The following SYNE2 variants were observed in gnomAD, a reference collection of about 807,000 sequenced individuals.
The protein encoded by SYNE2 is spectrin repeat containing nuclear envelope protein 2, also known as nesprin-2.
A neutral mutation model predicts 856.3 loss-of-function variants in SYNE2; 431 were observed. The observed-to-expected ratio is 0.50, with a 90% CI of 0.47 to 0.55. The LOEUF (loss-of-function observed/expected upper bound fraction) is 0.55, where lower values mean the gene tolerates loss of function less well. SYNE2 is among the 20% of genes least tolerant of loss of function. The pLI is 0.00. For missense variants in SYNE2, 8,129 were observed against 8,023.2 expected (o/e 1.01, Z -0.50); for synonymous variants, 2,923 against 2,872.3 (o/e 1.02, Z -0.56).
At chr14:63,765,021 C>T (rs182818812) in intron 1 of SYNE2, among the ~76,000 whole-genome samples, 17 of 152,244 alleles carry the variant, frequency 1.1e-4, no homozygotes, top group Middle Eastern at 3.4e-3. Flanking sequence ...ACCACCCCTA[C>T]GTGTCATCAT....
chr14:64,141,783 C>T (rs1322454297), intron 81 of SYNE2, among the ~76,000 whole-genome samples, 159 bp from the exon 82 acceptor site: 3 of 151,416 alleles, frequency 2.0e-5, no homozygotes, highest in South Asian at 2.1e-4. Flanking sequence ...GTTTTGGGGT[C>T]GCTTATTCTA....
At position 63,967,781 on chromosome 14, in the gene SYNE2, G is replaced by T. The variant is rs765413747; in HGVS notation, c.1063G>T (p.Asp355Tyr). The change falls in exon 11 of 116, where the codon GAT (aspartate) becomes TAT (tyrosine). Residue 355 changes from aspartate (D) to tyrosine (Y), a missense_variant. Asp to Tyr is a radical substitution (Grantham distance 160). Coordinates refer to ENST00000555002, the MANE Select transcript of SYNE2 (RefSeq NM_182914.3). Reference sequence around the variant, plus strand: ...TTTGGATGTCCTGTCAATAAAACGGGATCTGGATGAGCTGGACAAGGATCA... The same window carrying T: ...TTTGGATGTCCTGTCAATAAAACGGTATCTGGATGAGCTGGACAAGGATCA... ...SFLDVLSIKR[D>Y]LDELDKDHLQ... 21 of 1,613,942 alleles carry T rather than the reference G, an allele frequency of 1.3e-5. No individual in the cohort carries two copies. The South Asian group carries it at 2.0e-4, about 15-fold the overall frequency.
intron 11 of SYNE2, among the ~76,000 whole-genome samples, chr14:63,970,651 C>CTTTTTTTTTTTTTTTTTTTTT (rs61126600): frequency 1.9e-4 from 19 of 98,888 alleles, no homozygotes; most frequent in Non-Finnish European, 3.0e-4. Context: ...TTTCTTTTTT[C>CTTTTTTTTTTTTTTTTTTTTT]TTTTTTTTTT....
rs2098643906 is a variant in SYNE2 at position 64,212,022 on chromosome 14, C to T, written c.18785C>T (p.Thr6262Ile). Residue 6262 changes from threonine (T) to isoleucine (I), a missense_variant, in exon 104 of 116, where the codon ACA (threonine) becomes ATA (isoleucine). Transcript: ENST00000555002. ...GTRESILVWLTEMDLQLTNVE... is the reference protein window; with the variant it reads ...GTRESILVWLIEMDLQLTNVE... ...AGGGAGAGCATTCTGGTGTGGCTCACAGAGATGGACCTGCAGCTGACCAAC... is the reference window on the plus strand; with the variant it reads ...AGGGAGAGCATTCTGGTGTGGCTCATAGAGATGGACCTGCAGCTGACCAAC... The T allele has an allele frequency of 6.2e-7, 1 of 1,614,062 alleles. No individual in the cohort carries two copies. Among genetic ancestry groups the T allele is most frequent in the African/African-American group, 1.3e-5 (1 of 74,924 alleles).
At chr14:63,767,353 G>A (rs919224866) in intron 1 of SYNE2, among the ~76,000 whole-genome samples, 26 of 151,814 alleles carry the variant, frequency 1.7e-4, no homozygotes, top group Non-Finnish European at 2.4e-4. Flanking sequence ...CAAGTAATCC[G>A]CCCACGTCTG....
chr14:63,810,786 C>T (rs1303233833), intron 1 of SYNE2, among the ~76,000 whole-genome samples: 1 of 152,168 alleles, frequency 6.6e-6, no homozygotes, highest in Non-Finnish European at 1.5e-5. Context: ...AATTGAAATA[C>T]TTGCTTTTCT....
At chr14:63,922,661 G>A (rs570796448) in intron 2 of SYNE2, among the ~76,000 whole-genome samples, 1 of 152,294 alleles carries the variant, frequency 6.6e-6, no homozygotes, top group Non-Finnish European at 1.5e-5. Context: ...TTTATTTTGA[G>A]ATATATTAAT....
intron 1 of SYNE2, among the ~76,000 whole-genome samples, chr14:63,886,846 G>A (rs1036542784): frequency 6.6e-6 from 1 of 152,058 alleles, no homozygotes; most frequent in South Asian, 2.1e-4. Flanking sequence ...TTTTAGTAGT[G>A]ACAGAGTTTC....
intron 99 of SYNE2, among the ~76,000 whole-genome samples, chr14:64,192,157 A>G (rs1840900725): frequency 2.0e-5 from 3 of 152,160 alleles, no homozygotes; most frequent in South Asian, 2.1e-4. Flanking sequence ...CAACTGGACT[A>G]CCTAATTCTC....
chr14:64,085,658 A>G (rs914134675), intron 57 of SYNE2, among the ~76,000 whole-genome samples: 4 of 152,236 alleles, frequency 2.6e-5, no homozygotes, highest in Non-Finnish European at 5.9e-5. Context: ...TAATTGCTTC[A>G]TGTTTTCAAC....
chr14:63,899,563 G>A (rs1057140808), intron 1 of SYNE2, among the ~76,000 whole-genome samples: 20 of 150,908 alleles, frequency 1.3e-4, no homozygotes, highest in African/African-American at 4.6e-4. Flanking sequence ...GTGCCGTGGC[G>A]CAATCATGGC....
chr14:64,135,851 T>C (rs1218869280), intron 78 of SYNE2, among the ~76,000 whole-genome samples: 3 of 152,248 alleles, frequency 2.0e-5, no homozygotes, highest in Admixed American at 2.0e-4. Context: ...TGTGTGAGTC[T>C]GACAGATGTT....
At chr14:64,012,220 C>T (rs760960934) in intron 32 of SYNE2, among the ~76,000 whole-genome samples, 6 of 152,194 alleles carry the variant, frequency 3.9e-5, no homozygotes, top group East Asian at 1.9e-4. Context: ...CCCGCTACCT[C>T]GTCTCCTCCT....
At chr14:64,181,741 A>G (rs374583064) in intron 96 of SYNE2, among the ~76,000 whole-genome samples, 17 of 152,176 alleles carry the variant, frequency 1.1e-4, no homozygotes, top group African/African-American at 4.1e-4. Flanking sequence ...TGCAAAAAGA[A>G]AAAGATAAAA....
intron 96 of SYNE2, among the ~76,000 whole-genome samples, chr14:64,184,332 G>GTGTA (rs2098477715): frequency 7.9e-6 from 1 of 126,696 alleles, no homozygotes; most frequent in African/African-American, 3.0e-5. Context: ...GCATAGGGGT[G>GTGTA]TGTGTGTGTG....
At chr14:64,001,894 G>T in intron 28 of SYNE2, 40 bp from the exon 29 acceptor site, 8 of 1,611,560 alleles carry the variant, frequency 5.0e-6, no homozygotes, top group South Asian at 1.1e-5. Context: ...ATATCTTTCT[G>T]CTGTGTTTTC....
At chr14:63,949,401 T>C (rs1299722837) in intron 6 of SYNE2, among the ~76,000 whole-genome samples, 1 of 152,220 alleles carries the variant, frequency 6.6e-6, no homozygotes, top group Admixed American at 6.5e-5. Flanking sequence ...TGTCTATCCA[T>C]GTGTTTGACT....
intron 11 of SYNE2, among the ~76,000 whole-genome samples, chr14:63,970,412 C>T (rs541304431): frequency 6.6e-6 from 1 of 152,220 alleles, no homozygotes; most frequent in East Asian, 1.9e-4. Flanking sequence ...TGGTCATGAA[C>T]TCCTGGCTTC....
At chr14:63,799,620 C>T (rs1888054338) in intron 1 of SYNE2, among the ~76,000 whole-genome samples, 1 of 152,020 alleles carries the variant, frequency 6.6e-6, no homozygotes. Context: ...AGGAGAATGG[C>T]GTGAACCTGG....
Sources: gnomAD v4.1 joint callset for allele counts (sites outside exome capture counted in the v4.1 genomes callset) on GRCh38, gnomAD v4.1.1 for gene constraint, MANE v1.5 for transcripts, NCBI Gene and HGNC (gene_info 2026-07-23, HGNC 2026-07-21) for gene names.